The following ERC1 variants were observed in gnomAD, a reference collection of about 807,000 sequenced individuals.
ERC1 encodes the protein ELKS/RAB6-interacting/CAST family member 1.
ERC1 carries 56 observed loss-of-function variants against 132.0 expected under a neutral mutation model. That is an observed-to-expected ratio of 0.42 (90% CI 0.34 to 0.53). ERC1 has a LOEUF of 0.53. Among genes scored for constraint, ERC1 ranks in the 20% least tolerant of loss-of-function variants. The pLI is 0.03. For missense variants in ERC1, 1,202 were observed against 1,349.9 expected (o/e 0.89, Z 1.72); for synonymous variants, 478 against 476.1 (o/e 1.00, Z -0.05).
chr12:1,317,109 C>T (rs867194461), intron 15 of ERC1, among the ~76,000 whole-genome samples: 12 of 149,984 alleles, frequency 8.0e-5, no homozygotes, highest in Non-Finnish European at 1.5e-4. Flanking sequence ...TGCAGTGAGC[C>T]GAGGTCATGC....
intron 12 of ERC1, among the ~76,000 whole-genome samples, chr12:1,209,403 AT>A (rs11361651): frequency 0.36 from 51,020 of 141,594 alleles, 9,324 homozygotes; most frequent in African/African-American, 0.5. Flanking sequence ...TCTTCATAGC[AT>A]TTTTTTTTTT....
At chr12:1,174,968 C>A (rs1953527863) in intron 8 of ERC1, among the ~76,000 whole-genome samples, 1 of 152,150 alleles carries the variant, frequency 6.6e-6, no homozygotes, top group Admixed American at 6.5e-5. Context: ...ACGAGTCACA[C>A]AAATTTTTTG....
At chr12:1,425,711 A>G (rs12425464) in intron 17 of ERC1, among the ~76,000 whole-genome samples, 4 of 152,324 alleles carry the variant, frequency 2.6e-5, no homozygotes, top group Non-Finnish European at 2.9e-5. Context: ...CAGACTTAGT[A>G]TTAGGATCAA....
At chr12:1,442,903 C>T (rs892606883) in intron 17 of ERC1, among the ~76,000 whole-genome samples, 1 of 151,972 alleles carries the variant, frequency 6.6e-6, no homozygotes, top group Non-Finnish European at 1.5e-5. Flanking sequence ...ATGATTACTT[C>T]TTTTTTATTT....
At chr12:1,009,876 A>G (rs1026476467) in intron 1 of ERC1, among the ~76,000 whole-genome samples, 3 of 152,326 alleles carry the variant, frequency 2.0e-5, no homozygotes, top group Non-Finnish European at 2.9e-5. Context: ...GCAATGTAAT[A>G]TGATATTTTT....
intron 16 of ERC1, among the ~76,000 whole-genome samples, chr12:1,382,115 T>G (rs1193506919): frequency 6.6e-6 from 1 of 152,132 alleles, no homozygotes; most frequent in Non-Finnish European, 1.5e-5. Flanking sequence ...AGTAACTGAG[T>G]GTCAGGAGAC....
At chr12:1,004,545 T>G (rs1402127425) in intron 1 of ERC1, among the ~76,000 whole-genome samples, 1 of 151,750 alleles carries the variant, frequency 6.6e-6, no homozygotes, top group Non-Finnish European at 1.5e-5. Context: ...TAGCTGGGAT[T>G]ACAGGTGCCC....
In ERC1 at chr12:1,272,034, C is replaced by G. The variant is rs115194873; in HGVS notation, c.2619+8869C>G. Among the ~76,000 whole-genome samples, 1,032 of 152,290 alleles carry G rather than the reference C, an allele frequency of 6.8e-3. 11 individuals are homozygous for G. The highest frequency in any genetic ancestry group is 0.023 in the African/African-American group (939 of 41,548). ...TCCAGAACCTTAGGGAAGCTGTATT[C>G]CATAATGGCGAAGAAGGTGGACTCT... On this transcript the variant is annotated intron_variant, in intron 14 of 18. Coordinates refer to ENST00000360905, the MANE Select transcript of ERC1 (RefSeq NM_178040.4).
intron 16 of ERC1, among the ~76,000 whole-genome samples, chr12:1,388,781 G>A (rs2089668823): frequency 1.3e-5 from 2 of 152,284 alleles, no homozygotes; most frequent in South Asian, 2.1e-4. Context: ...ATGAAATGAT[G>A]AGGACAAGAA....
chr12:1,220,388 T>C (rs1358648637), intron 12 of ERC1, among the ~76,000 whole-genome samples: 1 of 152,224 alleles, frequency 6.6e-6, no homozygotes, highest in East Asian at 1.9e-4. Flanking sequence ...AAATATTTGC[T>C]GAATAGATGT....
intron 8 of ERC1, among the ~76,000 whole-genome samples, chr12:1,151,030 G>A (rs1394972689): frequency 6.6e-6 from 1 of 152,188 alleles, no homozygotes; most frequent in East Asian, 1.9e-4. Flanking sequence ...TGGCCTCTGG[G>A]TTCCCAGGAA....
intron 2 of ERC1, among the ~76,000 whole-genome samples, chr12:1,077,084 G>T (rs550270950): frequency 6.6e-6 from 1 of 152,088 alleles, no homozygotes; most frequent in African/African-American, 2.4e-5. Flanking sequence ...ATATGTTTCA[G>T]AAAAAAATGT....
In ERC1 at chr12:1,028,580, C is replaced by G; in HGVS notation, c.669+8C>G. 5 of 1,594,472 alleles carry G rather than the reference C, an allele frequency of 3.1e-6. No individual in the cohort carries two copies. The highest frequency in any genetic ancestry group is 4.3e-6 in the Non-Finnish European group (5 of 1,170,750). On this transcript the variant is annotated splice_region_variant and intron_variant, in intron 2 of 18. Coordinates refer to ENST00000360905, the MANE Select transcript of ERC1 (RefSeq NM_178040.4). ...GTACAGGAGGAAAACCAGGTAAGTTCTACGTGTGTTTACCTTTATTGGCTG... is the reference window on the plus strand; with the variant it reads ...GTACAGGAGGAAAACCAGGTAAGTTGTACGTGTGTTTACCTTTATTGGCTG...
intron 16 of ERC1, among the ~76,000 whole-genome samples, chr12:1,394,023 A>C (rs1374948498): frequency 5.7e-5 from 6 of 105,992 alleles, no homozygotes; most frequent in Admixed American, 8.8e-5. Flanking sequence ...CTCAAAAAAA[A>C]AAAAAAAAAA....
At chr12:1,191,210 A>T (rs935061916) in intron 12 of ERC1, among the ~76,000 whole-genome samples, 3 of 152,124 alleles carry the variant, frequency 2.0e-5, no homozygotes, top group Non-Finnish European at 4.4e-5. Context: ...AAATTCTTTA[A>T]GTCAGAATTT....
intron 11 of ERC1, among the ~76,000 whole-genome samples, chr12:1,186,899 C>G (rs1176751668): frequency 6.6e-6 from 1 of 152,140 alleles, no homozygotes; most frequent in Admixed American, 6.5e-5. Flanking sequence ...GGCACAATCT[C>G]GACTCACTGC....
At chr12:1,165,671 A>G (rs534343110) in intron 8 of ERC1, among the ~76,000 whole-genome samples, 3 of 152,280 alleles carry the variant, frequency 2.0e-5, no homozygotes, top group African/African-American at 7.2e-5. Flanking sequence ...AAACATGGCT[A>G]AACTGTTTTG....
At chr12:1,342,470 AAAAAAAAAAAAAC>A (rs1309252994) in intron 15 of ERC1, among the ~76,000 whole-genome samples, 1 of 148,890 alleles carries the variant, frequency 6.7e-6, no homozygotes, top group Non-Finnish European at 1.5e-5. Context: ...CTCTGTCTCA[AAAAAAAAAAAAAC>A]AAAAAAAAGA....
intron 12 of ERC1, among the ~76,000 whole-genome samples, chr12:1,200,704 G>A (rs1197996164): frequency 6.6e-6 from 1 of 152,004 alleles, no homozygotes; most frequent in African/African-American, 2.4e-5. Flanking sequence ...GACTACAGGC[G>A]CCCGCCACCA....
Sources: gnomAD v4.1 joint callset for allele counts (sites outside exome capture counted in the v4.1 genomes callset) on GRCh38, gnomAD v4.1.1 for gene constraint, MANE v1.5 for transcripts, NCBI Gene and HGNC (gene_info 2026-07-23, HGNC 2026-07-21) for gene names.